Variants in PCCA observed in about 807,000 individuals in gnomAD.
The protein encoded by PCCA is propionyl-CoA carboxylase subunit alpha.
Under a neutral mutation model 101.3 loss-of-function variants are expected in PCCA, and 74 were observed. The observed-to-expected ratio is 0.73, with a 90% CI of 0.61 to 0.89. The LOEUF (loss-of-function observed/expected upper bound fraction) is 0.89. PCCA is among the 40% of genes least tolerant of loss of function. The pLI, the probability that PCCA is intolerant of heterozygous loss-of-function variation, is 0.00. For missense variants in PCCA, 891 were observed against 907.0 expected (o/e 0.98, Z 0.23); for synonymous variants, 294 against 313.6 (o/e 0.94, Z 0.66).
chr13:100,334,679 C>T (rs2070163979), intron 17 of PCCA, among the ~76,000 whole-genome samples: 1 of 152,066 alleles, frequency 6.6e-6, no homozygotes, highest in Admixed American at 6.5e-5. Flanking sequence ...CTACTAAGAT[C>T]CAAATTAGTG....
At chr13:100,390,534 G>A (rs911851981) in intron 19 of PCCA, among the ~76,000 whole-genome samples, 41 of 152,230 alleles carry the variant, frequency 2.7e-4, no homozygotes, top group African/African-American at 8.9e-4. Context: ...GAAACCTTGA[G>A]GTATGCTAAA....
chr13:100,211,718 G>A (rs1219111338), intron 7 of PCCA, among the ~76,000 whole-genome samples: 3 of 151,922 alleles, frequency 2.0e-5, no homozygotes, highest in African/African-American at 7.3e-5. Context: ...GGCGTCAATT[G>A]CCACCTTTTC....
intron 6 of PCCA, among the ~76,000 whole-genome samples, chr13:100,188,691 C>G (rs1447257108): frequency 2.0e-5 from 3 of 152,114 alleles, no homozygotes; most frequent in Non-Finnish European, 2.9e-5. Flanking sequence ...TAAAAGTGTT[C>G]CCTTTTCACC....
chr13:100,150,207 A>G (rs1052869663), intron 4 of PCCA, among the ~76,000 whole-genome samples: 6 of 151,582 alleles, frequency 4.0e-5, no homozygotes, highest in African/African-American at 1.5e-4. Context: ...TTTCTTTTGT[A>G]TTTTTTGGTA....
chr13:100,240,407 GA>G (rs1161185053), intron 8 of PCCA, among the ~76,000 whole-genome samples: 1 of 151,536 alleles, frequency 6.6e-6, no homozygotes, highest in Non-Finnish European at 1.5e-5. Flanking sequence ...GGTGAAGGGG[GA>G]TGGCAGGACC....
chr13:100,309,079 C>T (rs1184195832), intron 15 of PCCA, among the ~76,000 whole-genome samples: 2 of 152,078 alleles, frequency 1.3e-5, no homozygotes, highest in African/African-American at 4.8e-5. Context: ...ATTTTTGAAA[C>T]TTTACTTTTT....
At chr13:100,109,317 AG>A (rs1388762256) in intron 2 of PCCA, among the ~76,000 whole-genome samples, 1 of 152,196 alleles carries the variant, frequency 6.6e-6, no homozygotes, top group African/African-American at 2.4e-5. Context: ...AGGAGAACAT[AG>A]AATGTTGGGA....
At chr13:100,433,620 G>C (rs551020733) in intron 20 of PCCA, among the ~76,000 whole-genome samples, 3 of 152,232 alleles carry the variant, frequency 2.0e-5, no homozygotes, top group South Asian at 4.1e-4. Context: ...CTGTATTTGG[G>C]AGAGGAGGGT....
intron 18 of PCCA, among the ~76,000 whole-genome samples, chr13:100,342,921 C>T (rs780570193): frequency 1.3e-5 from 2 of 151,870 alleles, no homozygotes; most frequent in Non-Finnish European, 2.9e-5. Flanking sequence ...GGGGTTTCAC[C>T]ATGTTGTCCA....
intron 8 of PCCA, among the ~76,000 whole-genome samples, chr13:100,242,164 A>T (rs1320252149): frequency 6.6e-6 from 1 of 152,210 alleles, no homozygotes; most frequent in African/African-American, 2.4e-5. Context: ...TATGCTGTCT[A>T]TAAGAAACTC....
At chr13:100,237,571 T>C (rs1175225641) in intron 8 of PCCA, 1 of 152,236 alleles carries the variant, frequency 6.6e-6, no homozygotes, top group Non-Finnish European at 1.5e-5. Flanking sequence ...GTATTCCTCA[T>C]TGCCTAAGAG....
At chr13:100,298,679 CTTCCT>C (rs2065820047) in intron 12 of PCCA, among the ~76,000 whole-genome samples, 1 of 6,562 alleles carries the variant, frequency 1.5e-4, no homozygotes, top group Non-Finnish European at 3.7e-4. Context: ...TCCCTCCTTC[CTTCCT>C]TCCTTCCTTC....
chr13:100,402,322 G>A (rs774269825), intron 19 of PCCA, among the ~76,000 whole-genome samples: 13 of 151,378 alleles, frequency 8.6e-5, no homozygotes, highest in Non-Finnish European at 1.5e-4. Flanking sequence ...ACACTTAGCT[G>A]GAAAACATCC....
chr13:100,463,334 T>TA (rs2082292347), intron 21 of PCCA, among the ~76,000 whole-genome samples: 4 of 121,766 alleles, frequency 3.3e-5, no homozygotes, highest in African/African-American at 9.9e-5. Flanking sequence ...TTTATTGGTG[T>TA]GGTTTTTTTT....
chr13:100,421,486 G>A (rs776820714), intron 19 of PCCA, among the ~76,000 whole-genome samples: 2 of 151,884 alleles, frequency 1.3e-5, no homozygotes, highest in Non-Finnish European at 2.9e-5. Context: ...TAAAGAAGGG[G>A]CACTAAGTTT....
At chr13:100,514,398 G>C (rs1194755773) in intron 21 of PCCA, among the ~76,000 whole-genome samples, 1 of 152,148 alleles carries the variant, frequency 6.6e-6, no homozygotes, top group East Asian at 1.9e-4. Context: ...CTGCCATCAT[G>C]ATGCCCACAG....
chr13:100,370,084 T>TTTC (rs2152814200), intron 19 of PCCA, among the ~76,000 whole-genome samples: 1 of 132,724 alleles, frequency 7.5e-6, no homozygotes, highest in East Asian at 2.1e-4. Context: ...CTTTTTTTTT[T>TTTC]TTTTTTTTTT....
intron 6 of PCCA, among the ~76,000 whole-genome samples, chr13:100,191,543 A>G (rs1251598308): frequency 6.6e-6 from 1 of 152,232 alleles, no homozygotes; most frequent in Admixed American, 6.5e-5. Flanking sequence ...CCAACCAGGT[A>G]GTATATGGTG....
At chr13:100,425,530 G>T (rs999762527) in intron 19 of PCCA, 103 bp from the exon 20 acceptor site, 7 of 778,810 alleles carry the variant, frequency 9.0e-6, no homozygotes, top group Non-Finnish European at 1.6e-5. Context: ...GGTTGTTTGG[G>T]AGCCATCTGT....
Sources: gnomAD v4.1 joint callset for allele counts (sites outside exome capture counted in the v4.1 genomes callset) on GRCh38, gnomAD v4.1.1 for gene constraint, MANE v1.5 for transcripts, NCBI Gene and HGNC (gene_info 2026-07-23, HGNC 2026-07-21) for gene names.